Variants in AGBL4 observed in about 807,000 individuals in gnomAD.
AGBL4 encodes AGBL carboxypeptidase 4.
A neutral mutation model predicts 66.4 loss-of-function variants in AGBL4; 58 were observed. That is an observed-to-expected ratio of 0.87 (90% CI 0.71 to 1.09). The LOEUF is 1.09. Ranked by LOEUF, AGBL4 falls within the 50% of genes least tolerant of loss-of-function variation. The pLI, the probability that AGBL4 is intolerant of heterozygous loss-of-function variation, is 0.00. For missense variants in AGBL4, 579 were observed against 631.0 expected (o/e 0.92, Z 0.88); for synonymous variants, 234 against 222.9 (o/e 1.05, Z -0.44).
rs972407855 is a variant in AGBL4 at position 49,466,170 on chromosome 1, C to T, written c.283-220306G>A. ...ATGATAACATTCTAAAAATTCCTCA[C>T]GGGTTTGGCCTTCATTAGTGTTAAT... On this transcript the variant is annotated intron_variant, in intron 3 of 13. Transcript: ENST00000371839. Among the ~76,000 whole-genome samples the T allele has an allele frequency of 5.9e-5, 9 of 151,874 alleles. No homozygotes were observed. In the South Asian group the frequency reaches 8.3e-4, roughly 14 times the overall value.
At chr1:49,467,221 A>G (rs542221451) in intron 3 of AGBL4, among the ~76,000 whole-genome samples, 2 of 151,946 alleles carry the variant, frequency 1.3e-5, no homozygotes, top group East Asian at 3.9e-4. Flanking sequence ...GAGTAGTTAG[A>G]AAGACAATGT....
At chr1:49,793,106 T>A (rs2147932056) in intron 2 of AGBL4, among the ~76,000 whole-genome samples, 1 of 152,164 alleles carries the variant, frequency 6.6e-6, no homozygotes, top group Non-Finnish European at 1.5e-5. Flanking sequence ...AAAGCACTCT[T>A]CATCACCTGA....
At chr1:49,111,214 C>T (rs184883205) in intron 4 of AGBL4, among the ~76,000 whole-genome samples, 13 of 151,750 alleles carry the variant, frequency 8.6e-5, no homozygotes, top group East Asian at 3.9e-4. Context: ...CCCAGGTTCA[C>T]GCCATTCTCC....
At chr1:49,617,686 G>A (rs1645275337) in intron 3 of AGBL4, among the ~76,000 whole-genome samples, 1 of 152,096 alleles carries the variant, frequency 6.6e-6, no homozygotes, top group Non-Finnish European at 1.5e-5. Flanking sequence ...GAAAATATTT[G>A]ATAAATGAGT....
intron 2 of AGBL4, among the ~76,000 whole-genome samples, chr1:49,702,148 C>A (rs551995427): frequency 6.6e-6 from 1 of 152,138 alleles, no homozygotes; most frequent in Non-Finnish European, 1.5e-5. Flanking sequence ...ATTCTATGTC[C>A]AAATGTTTTC....
intron 11 of AGBL4, among the ~76,000 whole-genome samples, chr1:48,562,004 T>C (rs1206283646): frequency 2.0e-5 from 3 of 152,204 alleles, no homozygotes; most frequent in African/African-American, 7.2e-5. Flanking sequence ...GATGTAGATA[T>C]GGATATAGAC....
At chr1:48,950,289 G>A (rs185404237) in intron 5 of AGBL4, among the ~76,000 whole-genome samples, 1 of 152,080 alleles carries the variant, frequency 6.6e-6, no homozygotes, top group African/African-American at 2.4e-5. Flanking sequence ...GTAGAAAGGG[G>A]GTGTTTCACC....
At chr1:48,791,239 C>T (rs1645542165) in intron 6 of AGBL4, among the ~76,000 whole-genome samples, 1 of 152,194 alleles carries the variant, frequency 6.6e-6, no homozygotes, top group African/African-American at 2.4e-5. Flanking sequence ...TCTCATTCAT[C>T]CTCGGGCATT....
At chr1:48,538,348 C>T (rs534410947) in intron 12 of AGBL4, among the ~76,000 whole-genome samples, 1 of 152,186 alleles carries the variant, frequency 6.6e-6, no homozygotes, top group African/African-American at 2.4e-5. Flanking sequence ...GGGCACTATA[C>T]TAAGCTTGTA....
rs1204416045 is a variant in AGBL4, at chr1:49,697,403, A to C, written c.192T>G (p.Phe64Leu). 1 of 1,535,138 alleles carries C rather than the reference A, an allele frequency of 6.5e-7. No homozygotes were observed. The change falls in exon 3 of 14, where the codon TTT (phenylalanine) becomes TTG (leucine). Residue 64 changes from phenylalanine (F) to leucine (L), a missense_variant. Phe to Leu is a conservative substitution (Grantham distance 22). Coordinates refer to ENST00000371839, the MANE Select transcript of AGBL4 (RefSeq NM_032785.4). Reference protein sequence around the residue: ...NLGRVDQVSEFEYDLFIRPDT... With the variant: ...NLGRVDQVSELEYDLFIRPDT... ...CCGGCCTAATGAACAGATCATACTCAAACTCAGAGACCTGGTCCACCCGGC... is the reference window on the plus strand; with the variant it reads ...CCGGCCTAATGAACAGATCATACTCCAACTCAGAGACCTGGTCCACCCGGC...
At chr1:49,847,714 T>A (rs563101077) in intron 2 of AGBL4, among the ~76,000 whole-genome samples, 145 of 152,030 alleles carry the variant, frequency 9.5e-4, no homozygotes, top group African/African-American at 3.2e-3. Flanking sequence ...TGTTTTTTTT[T>A]TTTTTGAGAT....
chr1:49,689,846 AC>A (rs1436957255), intron 3 of AGBL4, among the ~76,000 whole-genome samples: 1 of 152,200 alleles, frequency 6.6e-6, no homozygotes, highest in Non-Finnish European at 1.5e-5. Context: ...AAATGGGGTT[AC>A]TTTTCATGAT....
intron 3 of AGBL4, among the ~76,000 whole-genome samples, chr1:49,280,788 T>G (rs778527391): frequency 6.6e-6 from 1 of 152,248 alleles, no homozygotes; most frequent in Non-Finnish European, 1.5e-5. Flanking sequence ...CTGTTTCATG[T>G]GCTGAGGTTA....
At chr1:48,817,816 G>A in intron 6 of AGBL4, 2 of 540,800 alleles carry the variant, frequency 3.7e-6, no homozygotes, top group Non-Finnish European at 6.6e-6. Flanking sequence ...AATAGAAAGT[G>A]CAGCACCTAG....
At chr1:49,158,891 C>CT (rs532068729) in intron 4 of AGBL4, among the ~76,000 whole-genome samples, 4 of 149,496 alleles carry the variant, frequency 2.7e-5, no homozygotes, top group South Asian at 2.2e-4. Context: ...GCAACTCCTG[C>CT]TTTTTTTTGC....
At chr1:48,684,420 G>T (rs1477445464) in intron 6 of AGBL4, among the ~76,000 whole-genome samples, 1 of 152,242 alleles carries the variant, frequency 6.6e-6, no homozygotes, top group Non-Finnish European at 1.5e-5. Context: ...GTCATAGGCT[G>T]AGTTCTGACC....
At position 49,954,616 on chromosome 1, in the gene AGBL4, T is replaced by C. The variant is rs920122040; in HGVS notation, c.34+69147A>G. 2.6e-5 allele frequency among the ~76,000 whole-genome samples: 4 copies of C among 152,008 alleles called. No individual in the cohort carries two copies. In the East Asian group the frequency reaches 5.8e-4, roughly 22 times the overall value. On this transcript the variant is annotated intron_variant, in intron 1 of 13. Coordinates refer to ENST00000371839, the MANE Select transcript of AGBL4 (RefSeq NM_032785.4). ...ACCAGCCTCAAGTATTCTGTTATAG[T>C]AGCAAAAATGAACTAAGACATTTCA... is the stretch of plus-strand genomic sequence containing the variant.
intron 6 of AGBL4, among the ~76,000 whole-genome samples, chr1:48,857,186 T>G (rs1342910884): frequency 6.6e-6 from 1 of 152,190 alleles, no homozygotes; most frequent in Non-Finnish European, 1.5e-5. Flanking sequence ...TGACTCTGAG[T>G]AGACATTCCT....
At chr1:49,504,960 T>C (rs1164363599) in intron 3 of AGBL4, among the ~76,000 whole-genome samples, 1 of 151,992 alleles carries the variant, frequency 6.6e-6, no homozygotes, top group Non-Finnish European at 1.5e-5. Context: ...GATTAAATGA[T>C]TTTCTGTAGT....
Sources: allele counts gnomAD v4.1 joint callset (sites outside exome capture counted in the v4.1 genomes callset), GRCh38; gene constraint gnomAD v4.1.1; transcripts MANE v1.5; gene names NCBI Gene and HGNC (gene_info 2026-07-23, HGNC 2026-07-21).